The following HIGD1C variants were observed in gnomAD, a reference collection of about 807,000 sequenced individuals.
HIGD1C encodes the protein HIG1 hypoxia inducible domain family member 1C, also known as HIG1 domain family member 1C.
A neutral mutation model predicts 13.1 loss-of-function variants in HIGD1C; 11 were observed. The observed-to-expected ratio is 0.84, with a 90% CI of 0.53 to 1.39. The LOEUF is 1.39. Ranked by LOEUF, HIGD1C falls within the 40% of genes most tolerant of loss-of-function variation. HIGD1C has a pLI of 0.00. For missense variants in HIGD1C, 110 were observed against 112.0 expected (o/e 0.98, Z 0.08); for synonymous variants, 36 against 37.7 (o/e 0.95, Z 0.17).
At chr12:50,971,775 A>G (rs1466273748), downstream of HIGD1C, among the ~76,000 whole-genome samples, 1 of 152,238 alleles carries the variant, frequency 6.6e-6, no homozygotes, top group Non-Finnish European at 1.5e-5. Context: ...CCTTTTCCTC[A>G]GTGTTTCCTG....
chr12:50,947,101 T>C, the HIGD1C span, among the ~76,000 whole-genome samples: 1 of 152,188 alleles, frequency 6.6e-6, no homozygotes, highest in African/African-American at 2.4e-5. Context: ...CTAGTCCTTA[T>C]TATTCCTGCA....
chr12:50,963,510 C>T (rs910578613), intron 2 of HIGD1C, among the ~76,000 whole-genome samples: 1 of 152,080 alleles, frequency 6.6e-6, no homozygotes, highest in Non-Finnish European at 1.5e-5. Context: ...TCCAAGCCTC[C>T]ACATTCACTG....
chr12:50,944,836 G>A, the HIGD1C span, among the ~76,000 whole-genome samples: 30 of 152,252 alleles, frequency 2.0e-4, no homozygotes, highest in South Asian at 2.1e-3. Flanking sequence ...GCAATGAGTC[G>A]AGATTGCCCC....
chr12:50,936,225 C>A, the HIGD1C span, among the ~76,000 whole-genome samples: 13 of 151,644 alleles, frequency 8.6e-5, no homozygotes, highest in African/African-American at 2.9e-4. Context: ...CCTTTTATTC[C>A]ATGTCCCAAA....
chr12:50,945,186 C>G, the HIGD1C span, among the ~76,000 whole-genome samples: 1 of 152,148 alleles, frequency 6.6e-6, no homozygotes, highest in African/African-American at 2.4e-5. Context: ...GACAGGGATG[C>G]CCTTTCTCAC....
chr12:50,939,890 C>T, the HIGD1C span: 1 of 148,916 alleles, frequency 6.7e-6, no homozygotes, highest in Non-Finnish European at 1.5e-5. Flanking sequence ...ATAAATGTAG[C>T]CTTGAAATTC....
the HIGD1C span, among the ~76,000 whole-genome samples, chr12:50,941,534 G>T: frequency 1.3e-5 from 2 of 152,154 alleles, no homozygotes; most frequent in African/African-American, 4.8e-5. Flanking sequence ...TTTATGGTGG[G>T]AGGGGCGGTA....
intron 2 of HIGD1C, among the ~76,000 whole-genome samples, chr12:50,968,573 G>A (rs1037134966): frequency 2.0e-5 from 3 of 151,810 alleles, no homozygotes; most frequent in Non-Finnish European, 4.4e-5. Context: ...GTTTTGAGAT[G>A]GAGTCTCACT....
chr12:50,950,233 A>G (rs920857871), upstream of HIGD1C, among the ~76,000 whole-genome samples: 3 of 152,152 alleles, frequency 2.0e-5, no homozygotes, highest in Admixed American at 1.3e-4. Flanking sequence ...GGATCAAACT[A>G]CATGTGCTGC....
chr12:50,961,923 T>C (rs1395745571), intron 2 of HIGD1C, among the ~76,000 whole-genome samples: 4 of 152,204 alleles, frequency 2.6e-5, no homozygotes, highest in Non-Finnish European at 4.4e-5. Context: ...TACTACAAAG[T>C]TACAGTCCTC....
downstream of HIGD1C, among the ~76,000 whole-genome samples, chr12:50,971,388 ATG>A (rs1235505608): frequency 9.2e-6 from 1 of 108,678 alleles, no homozygotes; most frequent in Non-Finnish European, 2.2e-5. Flanking sequence ...CCGCAAACAC[ATG>A]TTTAACATTT....
At chr12:50,960,989 T>C in exon 2 of HIGD1C, 1 of 1,599,280 alleles carries the variant, frequency 6.3e-7, no homozygotes. Context: ...TTTGTGACTG[T>C]GGTGTCCTGT....
At chr12:50,936,791 T>G in the HIGD1C span, among the ~76,000 whole-genome samples, 1 of 152,262 alleles carries the variant, frequency 6.6e-6, no homozygotes, top group African/African-American at 2.4e-5. Context: ...CTCATACTTT[T>G]GCCAATCCTT....
At chr12:50,950,670 A>ATT (rs57553489), upstream of HIGD1C, among the ~76,000 whole-genome samples, 1,819 of 87,614 alleles carry the variant, frequency 0.021, 51 homozygotes, top group African/African-American at 0.037. Context: ...TGCCCAGCTA[A>ATT]TTTTTTTTTT....
At chr12:50,971,114 A>G (rs2136106751), downstream of HIGD1C, among the ~76,000 whole-genome samples, 1 of 152,262 alleles carries the variant, frequency 6.6e-6, no homozygotes, top group South Asian at 2.1e-4. Context: ...TCCTGACCTC[A>G]GGTGATTCAC....
At chr12:50,969,641 G>A (rs887051687) in intron 2 of HIGD1C, among the ~76,000 whole-genome samples, 1 of 151,796 alleles carries the variant, frequency 6.6e-6, no homozygotes, top group African/African-American at 2.4e-5. Context: ...GGAGGTTGCA[G>A]TGAGCTGAGA....
intron 2 of HIGD1C, among the ~76,000 whole-genome samples, chr12:50,962,232 TAC>T (rs34526248): frequency 0.43 from 62,500 of 145,984 alleles, 13,790 homozygotes; most frequent in East Asian, 0.88. Context: ...CTAAAAAAAT[TAC>T]ACACACACAC....
At chr12:50,931,409 T>C in the HIGD1C span, 1 of 151,762 alleles carries the variant, frequency 6.6e-6, no homozygotes, top group African/African-American at 2.4e-5. Context: ...TAAATTGTGT[T>C]TTAAAAAAAG....
upstream of HIGD1C, among the ~76,000 whole-genome samples, chr12:50,952,109 G>A (rs1938919941): frequency 6.8e-6 from 1 of 147,208 alleles, no homozygotes; most frequent in East Asian, 2.0e-4. Flanking sequence ...GGGACAACTG[G>A]TGAATATGAA....
Sources: allele counts gnomAD v4.1 joint callset (sites outside exome capture counted in the v4.1 genomes callset), GRCh38; gene constraint gnomAD v4.1.1; transcripts MANE v1.5; gene names NCBI Gene and HGNC (gene_info 2026-07-23, HGNC 2026-07-21).